Variants in CLIP1 observed in about 807,000 individuals in gnomAD.
CLIP1 encodes the protein CAP-Gly domain containing linker protein 1.
A neutral mutation model predicts 161.6 loss-of-function variants in CLIP1; 66 were observed. The ratio of observed to expected loss-of-function variants is 0.41; its 90% CI spans 0.33 to 0.50. The LOEUF is 0.50. CLIP1 is among the 20% of genes least tolerant of loss of function. The pLI is 0.27. For synonymous variants in CLIP1, 598 were observed against 626.2 expected, an observed-to-expected ratio of 0.96 and a Z score of 0.67; for missense variants, 1,376 against 1,702.0, an observed-to-expected ratio of 0.81 and a Z score of 3.37.
At chr12:122,293,890 T>C (rs59734396) in intron 20 of CLIP1, among the ~76,000 whole-genome samples, 70,106 of 148,718 alleles carry the variant, frequency 0.47, 19,283 homozygotes, top group African/African-American at 0.76. Flanking sequence ...CTGCAAGCTC[T>C]GCCTCCCAGG....
At position 122,349,886 on chromosome 12, in the gene CLIP1, GTTTTTTTGTTTTTTTTGT is replaced by G. The variant is rs371416140; in HGVS notation, c.1401+1207_1401+1224del. The stretch of plus-strand genomic sequence containing the variant: ...GACCTTTTAAAAAATTCAGTCTTGT[GTTTTTTTGTTTTTTTTGT>G]TTTTTTTGTTTTTTTTTGAGATGGA... On this transcript the variant is annotated intron_variant, in intron 9 of 25. Coordinates refer to ENST00000620786, the MANE Select transcript of CLIP1 (RefSeq NM_001247997.2). Among the ~76,000 whole-genome samples, 5 of 118,452 alleles carry G rather than the reference GTTTTTTTGTTTTTTTTGT, an allele frequency of 4.2e-5. No individual in the cohort carries two copies. The South Asian group carries it at 9.7e-4, about 23-fold the overall frequency. 77.7% of individuals were successfully genotyped at this position (118,452 alleles called of 152,430 possible).
chr12:122,297,843 G>C (rs7137032), intron 20 of CLIP1, among the ~76,000 whole-genome samples: 1,793 of 152,322 alleles, frequency 0.012, 35 homozygotes, highest in African/African-American at 0.041. Context: ...GTGTTGCCCA[G>C]CTTCTGGGAC....
chr12:122,301,661 C>CA (rs1425574649), intron 20 of CLIP1, among the ~76,000 whole-genome samples: 2 of 152,142 alleles, frequency 1.3e-5, no homozygotes, highest in Non-Finnish European at 2.9e-5. Flanking sequence ...GCGACAGAAT[C>CA]AGACTCTGTC....
At chr12:122,275,644 G>GCGCACACACACACACACGCGCGCACA (rs773370301) in intron 24 of CLIP1, 2 of 147,538 alleles carry the variant, frequency 1.4e-5, no homozygotes, top group African/African-American at 5.1e-5. Flanking sequence ...ACACACACGC[G>GCGCACACACACACACACGCGCGCACA]CACACACACA....
intron 24 of CLIP1, chr12:122,275,653 C>A (rs1378675748): frequency 2.7e-5 from 4 of 149,256 alleles, no homozygotes; most frequent in Non-Finnish European, 5.9e-5. Flanking sequence ...CGCACACACA[C>A]ACACACACAC....
At chr12:122,347,231 A>C (rs562347244) in intron 10 of CLIP1, 144 bp downstream of exon 10, 2 of 554,216 alleles carry the variant, frequency 3.6e-6, no homozygotes, top group South Asian at 5.7e-5. Context: ...CATCAGTCTC[A>C]GCTCACAAAC....
intron 12 of CLIP1, among the ~76,000 whole-genome samples, chr12:122,335,089 G>A (rs1212953940): frequency 6.6e-6 from 1 of 152,164 alleles, no homozygotes; most frequent in Non-Finnish European, 1.5e-5. Context: ...GGTGAACAAA[G>A]CTCTGAAGTT....
chr12:122,367,413 A>G (rs1255785938), intron 3 of CLIP1, among the ~76,000 whole-genome samples: 1 of 152,208 alleles, frequency 6.6e-6, no homozygotes, highest in Non-Finnish European at 1.5e-5. Context: ...TTTTCCCTGT[A>G]AAAAATCAGT....
In CLIP1 at chr12:122,341,477, T is replaced by A. The variant is rs780646864; in HGVS notation, c.1727A>T (p.His576Leu). The A allele has an allele frequency of 6.2e-7, 1 of 1,613,460 alleles. No homozygotes were observed. Among genetic ancestry groups the A allele is most frequent in the Non-Finnish European group, 8.5e-7 (1 of 1,179,522 alleles). Residue 576 changes from histidine to leucine, a missense_variant, in exon 11 of 26, where the codon CAT (histidine) becomes CTT (leucine). Around this residue, in one of 6 missense-constraint regions of CLIP1, gnomAD observed 948 missense variants for 1,134.8 expected, o/e 0.84. Transcript: ENST00000620786. The part of the protein sequence containing the change: ...HQREITSLKE[H>L]FGAREETHQK... Reference sequence around the variant, plus strand: ...ATGAGTTTCTTCCCGGGCTCCAAAATGCTCCTTCAGAGAAGTTATTTCTCT... The same window carrying A: ...ATGAGTTTCTTCCCGGGCTCCAAAAAGCTCCTTCAGAGAAGTTATTTCTCT...
At chr12:122,324,546 C>G (rs1157277209) in intron 17 of CLIP1, among the ~76,000 whole-genome samples, 2 of 152,038 alleles carry the variant, frequency 1.3e-5, no homozygotes, top group Non-Finnish European at 2.9e-5. Flanking sequence ...AAACAGAGCC[C>G]ATAAAAAGGT....
At chr12:122,350,034 A>G (rs1197209857) in intron 9 of CLIP1, among the ~76,000 whole-genome samples, 2 of 151,648 alleles carry the variant, frequency 1.3e-5, no homozygotes, top group Non-Finnish European at 2.9e-5. Context: ...CCTCCCTAGT[A>G]GCTGGGATTA....
At chr12:122,403,832 T>C (rs1234070597) in intron 1 of CLIP1, among the ~76,000 whole-genome samples, 1 of 152,142 alleles carries the variant, frequency 6.6e-6, no homozygotes, top group African/African-American at 2.4e-5. Context: ...ATATAGCTGT[T>C]TCATTGGCCC....
chr12:122,342,866 G>A (rs1307255828), intron 10 of CLIP1: 2 of 148,064 alleles, frequency 1.4e-5, no homozygotes, highest in Non-Finnish European at 3.0e-5. Flanking sequence ...ATTTTAAAAT[G>A]TTTAAAATAT....
chr12:122,414,810 A>G lies in CLIP1; in HGVS notation c.-107+7711T>C, dbSNP rs886905976. Among the ~76,000 whole-genome samples the G allele has an allele frequency of 7.9e-5, 12 of 152,274 alleles. 1 individual carries two copies. Among genetic ancestry groups the G allele is most frequent in the Admixed American group, 7.9e-4 (12 of 15,274 alleles). ...ATCGGTCATTATGGTTTCCCTTAAGAGTGCATTGTAACTCAAATGCCAACT... is the reference window on the plus strand; with the variant it reads ...ATCGGTCATTATGGTTTCCCTTAAGGGTGCATTGTAACTCAAATGCCAACT... On this transcript the variant is annotated intron_variant, in intron 1 of 25. Transcript: ENST00000620786.
At position 122,278,914 on chromosome 12, in the gene CLIP1, G is replaced by C; in HGVS notation, c.3794C>G (p.Ser1265Cys). Residue 1265 changes from serine (S) to cysteine (C), a missense_variant, in exon 23 of 26, where the codon TCT becomes TGT. By Grantham distance (112) the Ser-to-Cys change is moderately radical. Around this residue, in one of 6 missense-constraint regions of CLIP1, gnomAD observed 948 missense variants for 1,134.8 expected, o/e 0.84. Coordinates refer to ENST00000620786, the MANE Select transcript of CLIP1 (RefSeq NM_001247997.2). ...EVTVLRGENA[S>C]AKSLHSVVQT... ...AACAACTGAATGCAAGGACTTGGCA[G>C]AGGCGTTTTCTCCCCTGAGCACTGT... 6.2e-7 allele frequency: 1 copy of C among 1,612,046 alleles called. No individual in the cohort carries two copies. The highest frequency in any genetic ancestry group is 1.7e-5 in the Admixed American group (1 of 59,776).
At position 122,279,200 on chromosome 12, in the gene CLIP1, T is replaced by C; in HGVS notation, c.3648-55A>G. ...AAATCAACCGAAAGACTGGTCAGTGTACAACTGTTCTAGAACAAACACATA... is the reference window on the plus strand; with the variant it reads ...AAATCAACCGAAAGACTGGTCAGTGCACAACTGTTCTAGAACAAACACATA... On this transcript the variant is annotated intron_variant, in intron 21 of 25. Transcript: ENST00000620786. The surrounding 1 kb of genome is among the most constrained non-coding windows in gnomAD (Gnocchi z 4.5). 4 of 1,172,248 alleles carry C rather than the reference T, an allele frequency of 3.4e-6. No individual in the cohort carries two copies. Among genetic ancestry groups the C allele is most frequent in the Non-Finnish European group, 4.9e-6 (4 of 812,180 alleles). The allele number at this position is 1,172,248 out of a possible 1,614,324, so 72.6% of individuals were successfully genotyped here. A position where few individuals can be genotyped will look rare whatever the true frequency, so the allele number is the denominator to read the frequency against.
Position 122,341,786 on chromosome 12 carries a change from T to C in CLIP1, c.1507-89A>G, listed in dbSNP as rs986283877. The stretch of plus-strand genomic sequence containing the variant: ...TCTTTTTTTTTTTTTTTTTTTTTTT[T>C]TTTTTTTTTTTTTTGAGATGGAGTT... On this transcript the variant is annotated intron_variant, in intron 10 of 25. Coordinates refer to ENST00000620786, the MANE Select transcript of CLIP1 (RefSeq NM_001247997.2). 42 of 766,872 alleles carry C rather than the reference T, an allele frequency of 5.5e-5. 3 individuals are homozygous for C. The African/African-American group carries it at 5.5e-4, about 10-fold the overall frequency. 47.5% of individuals were successfully genotyped at this position (766,872 alleles called of 1,614,324 possible).
In CLIP1 at chr12:122,365,350, AATGTT is replaced by A. The variant is rs1434189005; in HGVS notation, c.658-1248_658-1244del. On this transcript the variant is annotated intron_variant, in intron 3 of 25. Transcript: ENST00000620786. ...TACCATGGCAAAAGTGGAAGTCTAC[AATGTT>A]ACCCAGCATGCTGTTGGCATTGTTG... 62 of 972,578 alleles carry A rather than the reference AATGTT, an allele frequency of 6.4e-5. 2 individuals carry two copies. In the African/African-American group the frequency reaches 1.0e-3, roughly 16 times the overall value. The allele number at this position is 972,578 out of a possible 1,614,324, so 60.2% of individuals were successfully genotyped here. A position where few individuals can be genotyped will look rare whatever the true frequency, so the allele number is the denominator to read the frequency against.
chr12:122,365,252 TA>T lies in CLIP1; in HGVS notation c.658-1146del, dbSNP rs1193874820. 65 of 544,386 alleles carry T rather than the reference TA, an allele frequency of 1.2e-4. No homozygotes were observed. The East Asian group carries it at 1.2e-3, about 10-fold the overall frequency. 33.7% of individuals were successfully genotyped at this position (544,386 alleles called of 1,614,324 possible). On this transcript the variant is annotated intron_variant, in intron 3 of 25. Coordinates refer to ENST00000620786, the MANE Select transcript of CLIP1 (RefSeq NM_001247997.2). Reference sequence around the variant, plus strand: ...AAGTATAATAATAATAAAATAAAAATAAAAAAAAGAAAGGTGATATTGTAGA... The same window carrying T: ...AAGTATAATAATAATAAAATAAAAATAAAAAAAGAAAGGTGATATTGTAGA...
Sources: gnomAD v4.1 joint callset for allele counts (sites outside exome capture counted in the v4.1 genomes callset) on GRCh38, gnomAD v4.1.1 for gene constraint, gnomAD v4.1.1 regional missense constraint, Gnocchi (gnomAD v3.1) non-coding constraint, MANE v1.5 for transcripts, NCBI Gene and HGNC (gene_info 2026-07-23, HGNC 2026-07-21) for gene names.